RGPD3: variants seen among roughly 807,000 people sequenced by gnomAD.
RGPD3 encodes RANBP2 like and GRIP domain containing 3.
In RGPD3, 62 loss-of-function variants were observed where a neutral mutation model predicts 154.5. The ratio of observed to expected loss-of-function variants is 0.40; its 90% CI spans 0.33 to 0.50. The LOEUF is 0.50. RGPD3 is among the 20% of genes least tolerant of loss of function. The pLI is 0.59. For missense variants in RGPD3, 919 were observed against 1,716.8 expected, an observed-to-expected ratio of 0.54 and a Z score of 8.21; for synonymous variants, 308 against 607.0, an observed-to-expected ratio of 0.51 and a Z score of 7.24.
chr2:106,405,350 C>A, intron 22 of RGPD3, 121 bp from the exon 23 acceptor site: 2 of 1,088,918 alleles, frequency 1.8e-6, no homozygotes, highest in Non-Finnish European at 2.6e-6. Context: ...TGATCACATG[C>A]CTTTTTTGTT....
Position 106,447,546 on chromosome 2 carries a change from A to G in RGPD3, c.850T>C (p.Leu284=). ...GGNDELSATF[L]EMKGHFYMHA... ...ATGTAGAAATGTCCTTTCATTTCTA[A>G]GAAAGTAGCTGACAGTTCATCATTT... The change falls in exon 7 of 23, where the codon TTA becomes CTA. Residue 284 remains leucine (L), a synonymous_variant. Transcript: ENST00000409886. 3.8e-6 allele frequency: 1 copy of G among 265,206 alleles called. No individual in the cohort carries two copies. Among genetic ancestry groups the G allele is most frequent in the South Asian group, 3.1e-5 (1 of 31,792 alleles). The allele number at this position is 265,206 out of a possible 1,614,324, so 16.4% of individuals were successfully genotyped here.
chr2:106,451,197 A>C (rs1245142683), intron 6 of RGPD3, among the ~76,000 whole-genome samples: 5 of 151,706 alleles, frequency 3.3e-5, no homozygotes, highest in Non-Finnish European at 5.9e-5. Context: ...TGACCAAAAA[A>C]TTTGAGTATA....
chr2:106,441,990 A>G (rs1677760715), intron 7 of RGPD3, among the ~76,000 whole-genome samples: 1 of 141,226 alleles, frequency 7.1e-6, no homozygotes. Flanking sequence ...GACCAGCCTG[A>G]ACAACACGGT....
intron 22 of RGPD3, among the ~76,000 whole-genome samples, chr2:106,410,483 A>G (rs1676636075): frequency 1.3e-5 from 2 of 152,148 alleles, no homozygotes; most frequent in Non-Finnish European, 2.9e-5. Context: ...CCCTTAACTT[A>G]TAGGAGCCAC....
intron 7 of RGPD3, among the ~76,000 whole-genome samples, chr2:106,444,971 C>A (rs1454898456): frequency 7.5e-6 from 1 of 133,572 alleles, no homozygotes; most frequent in South Asian, 2.6e-4. Context: ...AATAGACACA[C>A]AGACAGATAA....
chr2:106,425,443 CT>C (rs2104461033), intron 19 of RGPD3, among the ~76,000 whole-genome samples, 177 bp from the exon 20 acceptor site: 1 of 148,612 alleles, frequency 6.7e-6, no homozygotes, highest in African/African-American at 2.5e-5. Context: ...GTTCTAAGCA[CT>C]TTACATTATT....
chr2:106,410,528 A>G (rs910616559), intron 22 of RGPD3, among the ~76,000 whole-genome samples: 14 of 152,202 alleles, frequency 9.2e-5, no homozygotes, highest in African/African-American at 3.1e-4. Context: ...AAACATGCTG[A>G]GCTTTTAAAA....
Position 106,423,735 on chromosome 2 carries a change from A to T in RGPD3, c.4232T>A (p.Ile1411Lys), listed in dbSNP as rs1162553163. 6.2e-7 allele frequency: 1 copy of T among 1,611,738 alleles called. No homozygotes were observed. Among genetic ancestry groups the T allele is most frequent in the Non-Finnish European group, 8.5e-7 (1 of 1,179,814 alleles). ...ATTTTGCAAACTCATGTCTGGAGTT[A>T]TTCTGTGATTGGCACAAAGTTTTAA... ...QVLKLCANHR[I>K]TPDMSLQNMK... Residue 1411 changes from isoleucine to lysine, a missense_variant, in exon 20 of 23, where the codon ATA (isoleucine) becomes AAA (lysine). Ile to Lys is a moderately radical substitution (Grantham distance 102, BLOSUM62 -3). Coordinates refer to ENST00000409886, the MANE Select transcript of RGPD3 (RefSeq NM_001144013.2).
At chr2:106,437,374 C>T (rs2433716) in intron 9 of RGPD3, among the ~76,000 whole-genome samples, 68 of 141,878 alleles carry the variant, frequency 4.8e-4, no homozygotes, top group African/African-American at 1.6e-3. Context: ...TAGCCGAGCA[C>T]GGTGTCACGT....
intron 1 of RGPD3, among the ~76,000 whole-genome samples, chr2:106,466,511 G>C (rs1473381204): frequency 1.6e-5 from 2 of 123,442 alleles, no homozygotes; most frequent in Admixed American, 1.6e-4. Flanking sequence ...AGCGCCCGTC[G>C]GGAGCCATGA....
chr2:106,409,100 C>A (rs866407038), intron 22 of RGPD3, among the ~76,000 whole-genome samples: 1 of 152,090 alleles, frequency 6.6e-6, no homozygotes, highest in South Asian at 2.1e-4. Flanking sequence ...TTACACAAAA[C>A]CAGAGATTAT....
At chr2:106,405,304 C>CCA (rs1397369490) in intron 22 of RGPD3, 75 bp from the exon 23 acceptor site, 1 of 1,334,304 alleles carries the variant, frequency 7.5e-7, no homozygotes, top group Non-Finnish European at 1.0e-6. Context: ...TATTTTAGAA[C>CCA]CACTCTACAA....
At chr2:106,406,866 T>C (rs1676533463) in intron 22 of RGPD3, among the ~76,000 whole-genome samples, 2 of 152,190 alleles carry the variant, frequency 1.3e-5, no homozygotes, top group Non-Finnish European at 1.5e-5. Context: ...TTTCAAACTT[T>C]TACATGGGGA....
In RGPD3 at chr2:106,406,930, C is replaced by T. The variant is rs373759193; in HGVS notation, c.5267-1701G>A. On this transcript the variant is annotated intron_variant, in intron 22 of 22. Transcript: ENST00000409886. ...TTTCTGTTCTGTCTGGTTTTATCTGCGTGTTATTTACAATCTGCTGCGTAA... is the reference window on the plus strand; with the variant it reads ...TTTCTGTTCTGTCTGGTTTTATCTGTGTGTTATTTACAATCTGCTGCGTAA... Among the ~76,000 whole-genome samples, 13 of 152,204 alleles carry T rather than the reference C, an allele frequency of 8.5e-5. No homozygotes were observed. In the East Asian group the frequency reaches 1.2e-3, roughly 14 times the overall value.
intron 22 of RGPD3, among the ~76,000 whole-genome samples, chr2:106,412,319 TTTTTTTTTTTTTG>T (rs1676698792): frequency 1.8e-5 from 2 of 110,418 alleles, no homozygotes; most frequent in Admixed American, 1.1e-4. Flanking sequence ...TTTTTTTTTT[TTTTTTTTTTTTTG>T]AGATGGAGTC....
intron 17 of RGPD3, among the ~76,000 whole-genome samples, chr2:106,431,911 ATAG>A (rs1207651209): frequency 6.7e-6 from 1 of 149,192 alleles, no homozygotes; most frequent in African/African-American, 2.5e-5. Context: ...GTATTAAAAT[ATAG>A]TAAGACTTTT....
intron 9 of RGPD3, among the ~76,000 whole-genome samples, chr2:106,437,816 A>AGT (rs1339640181): frequency 1.3e-5 from 2 of 152,106 alleles, no homozygotes; most frequent in South Asian, 2.1e-4. Context: ...TAAAAGTGAT[A>AGT]TTTATAGTTT....
rs766568934 is a variant in RGPD3, at chr2:106,424,426, T to TA, written c.3540dup (p.Lys1181Ter). 3 of 1,610,098 alleles carry TA rather than the reference T, an allele frequency of 1.9e-6. No individual in the cohort carries two copies. The highest frequency in any genetic ancestry group is 2.5e-6 in the Non-Finnish European group (3 of 1,179,816). On this transcript the variant is annotated frameshift_variant, in exon 20 of 23. Coordinates refer to ENST00000409886, the MANE Select transcript of RGPD3 (RefSeq NM_001144013.2). LOFTEE classifies it high-confidence loss of function. ...GCAGCTCTGCCAGTATCTACAAGTT[T>TA]ATGGGGAGTTTGAAGTGGTATGTCT...
At chr2:106,466,081 C>G (rs991205473) in intron 1 of RGPD3, among the ~76,000 whole-genome samples, 1 of 151,754 alleles carries the variant, frequency 6.6e-6, no homozygotes, top group Non-Finnish European at 1.5e-5. Context: ...GGTGCCCAAG[C>G]CCCCGAGAAC....
Sources: gnomAD v4.1 joint callset for allele counts (sites outside exome capture counted in the v4.1 genomes callset) on GRCh38, gnomAD v4.1.1 for gene constraint, MANE v1.5 for transcripts, NCBI Gene and HGNC (gene_info 2026-07-23, HGNC 2026-07-21) for gene names.